Variants in SENP6 observed in about 807,000 individuals in gnomAD.
SENP6 encodes the protein sentrin-specific protease 6.
Under a neutral mutation model 134.5 loss-of-function variants are expected in SENP6, and 41 were observed. The observed-to-expected ratio is 0.30, with a 90% CI of 0.24 to 0.40. The LOEUF (loss-of-function observed/expected upper bound fraction) is 0.40, where lower values mean the gene tolerates loss of function less well. SENP6 is among the 10% of genes least tolerant of loss of function. The probability of loss-of-function intolerance (pLI) is 1.00; values close to 1 mark genes in which losing one functional copy is unlikely to be tolerated. For missense variants in SENP6, 1,248 were observed against 1,312.5 expected, an observed-to-expected ratio of 0.95 and a Z score of 0.76; for synonymous variants, 395 against 429.8, an observed-to-expected ratio of 0.92 and a Z score of 1.00.
rs1775126402 is a variant in SENP6, at chr6:75,702,788, T to C, written c.2432T>C (p.Met811Thr). 6.2e-7 allele frequency: 1 copy of C among 1,613,994 alleles called. No homozygotes were observed. Among genetic ancestry groups the C allele is most frequent in the African/African-American group, 1.3e-5 (1 of 74,922 alleles). ...DSCISSSASE[M>T]ESCSQNSSAK... ...TGTATTTCTTCTTCAGCCAGTGAAATGGAGAGTTGTTCACAAAACTCTTCT... is the reference window on the plus strand; with the variant it reads ...TGTATTTCTTCTTCAGCCAGTGAAACGGAGAGTTGTTCACAAAACTCTTCT... Residue 811 changes from methionine (M) to threonine (T), a missense_variant, in exon 19 of 24, where the codon ATG becomes ACG. Coordinates refer to ENST00000447266, the MANE Select transcript of SENP6 (RefSeq NM_015571.4).
intron 16 of SENP6, among the ~76,000 whole-genome samples, chr6:75,693,434 A>G (rs952178989): frequency 2.0e-5 from 3 of 150,280 alleles, no homozygotes; most frequent in African/African-American, 4.9e-5. Context: ...AAAAAACACC[A>G]AAGTAGCCAT....
Position 75,652,487 on chromosome 6 carries a change from A to G in SENP6, c.550+4686A>G, listed in dbSNP as rs72654731. On this transcript the variant is annotated intron_variant, in intron 7 of 23. Coordinates refer to ENST00000447266, the MANE Select transcript of SENP6 (RefSeq NM_015571.4). Reference sequence around the variant, plus strand: ...TTCTTTGCATCAGATCCCTAGAAATAAAATTTGGGGGACAAATGATATACA... The same window carrying G: ...TTCTTTGCATCAGATCCCTAGAAATGAAATTTGGGGGACAAATGATATACA... 0.01 allele frequency among the ~76,000 whole-genome samples: 1,593 copies of G among 152,066 alleles called. 61 individuals are homozygous for G. In the East Asian group the frequency reaches 0.14, roughly 13 times the overall value.
rs544932428 is a variant in SENP6 at position 75,604,256 on chromosome 6, A to G, written c.52+1680A>G. On this transcript the variant is annotated intron_variant, in intron 1 of 23. Transcript: ENST00000447266. ...TTCTAATCTAAGGGTCTTTGAATGT[A>G]TAGGTATGATAAATTCGAGTTTCAC... Among the ~76,000 whole-genome samples the G allele has an allele frequency of 2.0e-5, 3 of 152,362 alleles. No individual in the cohort carries two copies. The East Asian group carries it at 5.8e-4, about 29-fold the overall frequency.
At chr6:75,634,995 G>C (rs1427879865) in intron 5 of SENP6, 184 bp downstream of exon 5, 5 of 663,768 alleles carry the variant, frequency 7.5e-6, no homozygotes, top group Middle Eastern at 2.4e-4. Flanking sequence ...TGAGTAATCA[G>C]ATTCTGTAAA....
intron 21 of SENP6, among the ~76,000 whole-genome samples, chr6:75,713,072 A>C (rs1000212866): frequency 1.1e-4 from 17 of 152,168 alleles, no homozygotes; most frequent in Non-Finnish European, 2.1e-4. Context: ...ACGCTGCTTC[A>C]CATGGTGACA....
At chr6:75,647,555 T>TGTA (rs1207627670) in intron 6 of SENP6, 176 bp from the exon 7 acceptor site, 25 of 374,938 alleles carry the variant, frequency 6.7e-5, no homozygotes, top group Non-Finnish European at 1.1e-4. Flanking sequence ...ACAGTAAAAT[T>TGTA]TTACAAATTG....
chr6:75,713,608 T>A, intron 22 of SENP6, 27 bp downstream of exon 22: 2 of 1,605,846 alleles, frequency 1.2e-6, no homozygotes, highest in Non-Finnish European at 1.7e-6. Context: ...TTTCGTATTC[T>A]GATGGGGATG....
intron 9 of SENP6, among the ~76,000 whole-genome samples, chr6:75,666,114 T>G (rs898782933): frequency 1.0e-4 from 15 of 145,350 alleles, no homozygotes; most frequent in African/African-American, 3.5e-4. Context: ...AAAATGTATA[T>G]ATGATATATA....
Position 75,602,470 on chromosome 6 carries a change from G to T in SENP6, c.-55G>T. Reference sequence around the variant, plus strand: ...CCGGCGCGGCCCCTCATCCCGGCGAGCACGGCGGCGGTGTGGGCCATGGAT... The same window carrying T: ...CCGGCGCGGCCCCTCATCCCGGCGATCACGGCGGCGGTGTGGGCCATGGAT... On this transcript the variant is annotated 5_prime_UTR_variant, in exon 1 of 24. Transcript: ENST00000447266. The T allele has an allele frequency of 1.9e-6, 3 of 1,545,828 alleles. No individual in the cohort carries two copies. In the South Asian group the frequency reaches 3.6e-5, roughly 18 times the overall value.
chr6:75,651,809 A>G (rs1192475138), intron 7 of SENP6, among the ~76,000 whole-genome samples: 1 of 152,182 alleles, frequency 6.6e-6, no homozygotes, highest in Non-Finnish European at 1.5e-5. Flanking sequence ...ACTTTATGAT[A>G]TCTAGTTTTT....
rs1562073188 is a variant in SENP6 at position 75,705,924 on chromosome 6, C to CTT, written c.2716+2852_2716+2853insTT. On this transcript the variant is annotated intron_variant, in intron 19 of 23. Coordinates refer to ENST00000447266, the MANE Select transcript of SENP6 (RefSeq NM_015571.4). Reference sequence around the variant, plus strand: ...AGTGAGTTAGAAAGCTATTTTTGAGCCTTTTTTTTTTTTTTTTTTTTTTTT... The same window carrying CTT: ...AGTGAGTTAGAAAGCTATTTTTGAGCTTCTTTTTTTTTTTTTTTTTTTTTTTT... Among the ~76,000 whole-genome samples, 359 of 89,284 alleles carry CTT rather than the reference C, an allele frequency of 4.0e-3. 122 individuals carry two copies. The highest frequency in any genetic ancestry group is 0.013 in the African/African-American group (300 of 22,272). The allele number at this position is 89,284 out of a possible 152,430, so 58.6% of individuals were successfully genotyped here. A position where few individuals can be genotyped will look rare whatever the true frequency, so the allele number is the denominator to read the frequency against.
chr6:75,623,218 A>G (rs33997653), intron 2 of SENP6, among the ~76,000 whole-genome samples: 17,204 of 152,186 alleles, frequency 0.11, 995 homozygotes, highest in African/African-American at 0.14. Context: ...TACATTTTTT[A>G]AAAACTGTCT....
At chr6:75,703,337 A>C (rs536199661) in intron 19 of SENP6, among the ~76,000 whole-genome samples, 12 of 152,318 alleles carry the variant, frequency 7.9e-5, no homozygotes, top group East Asian at 5.8e-4. Flanking sequence ...TACTTATAAC[A>C]ATATAGTAAC....
At chr6:75,666,564 TA>T in intron 9 of SENP6, 147 bp from the exon 10 acceptor site, 2 of 277,614 alleles carry the variant, frequency 7.2e-6, no homozygotes, top group Non-Finnish European at 1.3e-5. Context: ...CATTCATTTT[TA>T]TTAATTTTAG....
At chr6:75,667,746 C>T (rs992679174) in intron 10 of SENP6, among the ~76,000 whole-genome samples, 1 of 152,138 alleles carries the variant, frequency 6.6e-6, no homozygotes, top group Admixed American at 6.5e-5. Context: ...TTCCCCAGTA[C>T]GTAAGGCTTT....
chr6:75,602,435 C>G lies in SENP6; in HGVS notation c.-90C>G. On this transcript the variant is annotated 5_prime_UTR_variant, in exon 1 of 24. Coordinates refer to ENST00000447266, the MANE Select transcript of SENP6 (RefSeq NM_015571.4). ...CCCGAGGCCCGCAACCCTGCGGCGTCTACCCTCCTCCGGCGCGGCCCCTCA... is the reference window on the plus strand; with the variant it reads ...CCCGAGGCCCGCAACCCTGCGGCGTGTACCCTCCTCCGGCGCGGCCCCTCA... The G allele has an allele frequency of 6.8e-7, 1 of 1,461,878 alleles. No individual in the cohort carries two copies. Among genetic ancestry groups the G allele is most frequent in the Non-Finnish European group, 9.3e-7 (1 of 1,072,108 alleles). 90.6% of individuals were successfully genotyped at this position (1,461,878 alleles called of 1,614,324 possible). A position where few individuals can be genotyped will look rare whatever the true frequency, so the allele number is the denominator to read the frequency against.
chr6:75,616,844 A>T (rs1396077753), intron 1 of SENP6, among the ~76,000 whole-genome samples: 1 of 151,472 alleles, frequency 6.6e-6, no homozygotes, highest in Non-Finnish European at 1.5e-5. Context: ...ACATAGGTTC[A>T]TTTTACATTG....
In SENP6 at chr6:75,632,415, G is replaced by A. The variant is rs189163292; in HGVS notation, c.208-1166G>A. ...CTTGCCAATAACTGTCCACTTTCTA[G>A]AATTGTCATGAGATTTATATGAGAT... On this transcript the variant is annotated intron_variant, in intron 3 of 23. Coordinates refer to ENST00000447266, the MANE Select transcript of SENP6 (RefSeq NM_015571.4). Among the ~76,000 whole-genome samples, 6 of 152,238 alleles carry A rather than the reference G, an allele frequency of 3.9e-5. No individual in the cohort carries two copies. In the East Asian group the frequency reaches 1.2e-3, roughly 29 times the overall value.
At chr6:75,644,794 C>A (rs1044565705) in intron 6 of SENP6, among the ~76,000 whole-genome samples, 1 of 152,124 alleles carries the variant, frequency 6.6e-6, no homozygotes, top group Non-Finnish European at 1.5e-5. Context: ...CGGTAAATTT[C>A]TAAGGCTAGA....
Sources: allele counts gnomAD v4.1 joint callset (sites outside exome capture counted in the v4.1 genomes callset), GRCh38; gene constraint gnomAD v4.1.1; transcripts MANE v1.5; gene names NCBI Gene and HGNC (gene_info 2026-07-23, HGNC 2026-07-21).